The following CCDC178 variants were observed in gnomAD, a reference collection of about 807,000 sequenced individuals.
CCDC178 encodes the protein coiled-coil domain-containing protein 178.
In CCDC178, 126 loss-of-function variants were observed where a neutral mutation model predicts 117.4. That is an observed-to-expected ratio of 1.07 (90% CI 0.93 to 1.24). CCDC178 has a LOEUF of 1.24. Ranked by LOEUF, CCDC178 falls within the 50% of genes most tolerant of loss-of-function variation. CCDC178 has a pLI of 0.00. For synonymous variants in CCDC178, 283 were observed against 313.4 expected (o/e 0.90, Z 1.02); for missense variants, 1,030 against 986.9 (o/e 1.04, Z -0.59).
At chr18:33,114,014 C>T (rs561037442) in intron 20 of CCDC178, among the ~76,000 whole-genome samples, 1 of 151,824 alleles carries the variant, frequency 6.6e-6, no homozygotes, top group Non-Finnish European at 1.5e-5. Context: ...GTAGTTTACA[C>T]AGGAAAAAAG....
chr18:33,392,686 AAAG>A (rs2063579474), intron 4 of CCDC178, among the ~76,000 whole-genome samples: 1 of 152,104 alleles, frequency 6.6e-6, no homozygotes, highest in Admixed American at 6.6e-5. Flanking sequence ...TATTATTTAA[AAAG>A]AAGAATTAAA....
chr18:33,063,462 G>A (rs1432163425), intron 21 of CCDC178, among the ~76,000 whole-genome samples: 2 of 152,030 alleles, frequency 1.3e-5, no homozygotes, highest in Non-Finnish European at 2.9e-5. Flanking sequence ...ACCATACAGG[G>A]GCATAAGTAC....
At chr18:33,105,829 T>C (rs2057697811) in intron 20 of CCDC178, among the ~76,000 whole-genome samples, 1 of 151,572 alleles carries the variant, frequency 6.6e-6, no homozygotes, top group African/African-American at 2.4e-5. Context: ...GCTGCCTCCA[T>C]ACACTTTGCT....
intron 6 of CCDC178, among the ~76,000 whole-genome samples, chr18:33,357,186 C>T (rs1483585710): frequency 2.6e-5 from 4 of 152,014 alleles, no homozygotes; most frequent in Non-Finnish European, 4.4e-5. Flanking sequence ...GTAACTTCTG[C>T]CCCCCTAAAA....
chr18:33,245,452 ATAT>A lies in CCDC178; in HGVS notation c.1410-27_1410-25del, dbSNP rs778944634. Reference sequence around the variant, plus strand: ...TGCTGTAAAAGTAAAGCAAAAATTAATATTATTGAGTATATAGTGAGACAAACA... The same window carrying A: ...TGCTGTAAAAGTAAAGCAAAAATTAATATTGAGTATATAGTGAGACAAACA... On this transcript the variant is annotated intron_variant, in intron 14 of 22. Transcript: ENST00000383096. 14 of 1,473,354 alleles carry A rather than the reference ATAT, an allele frequency of 9.5e-6. No homozygotes were observed. The South Asian group carries it at 2.0e-4, about 21-fold the overall frequency. 91.3% of individuals were successfully genotyped at this position (1,473,354 alleles called of 1,614,324 possible).
At chr18:33,338,272 C>T (rs2062769209) in intron 9 of CCDC178, among the ~76,000 whole-genome samples, 1 of 152,044 alleles carries the variant, frequency 6.6e-6, no homozygotes, top group African/African-American at 2.4e-5. Flanking sequence ...GGCATGGATG[C>T]AGTGAAAAGG....
chr18:33,003,384 T>C (rs1325104911), intron 21 of CCDC178, among the ~76,000 whole-genome samples: 1 of 152,184 alleles, frequency 6.6e-6, no homozygotes, highest in African/African-American at 2.4e-5. Flanking sequence ...GTTCAACATA[T>C]GCAAATCAAT....
At chr18:33,382,294 G>C (rs1032907853) in intron 5 of CCDC178, among the ~76,000 whole-genome samples, 3 of 152,048 alleles carry the variant, frequency 2.0e-5, no homozygotes, top group African/African-American at 7.2e-5. Context: ...TTTCCACATT[G>C]AGTGTTAGAA....
intron 22 of CCDC178, among the ~76,000 whole-genome samples, chr18:32,953,845 A>G (rs1267043320): frequency 1.3e-5 from 2 of 152,198 alleles, no homozygotes; most frequent in African/African-American, 4.8e-5. Flanking sequence ...AAATAATAAC[A>G]TGAATAAGGG....
chr18:33,110,995 T>C (rs945762081), intron 20 of CCDC178, among the ~76,000 whole-genome samples: 1 of 151,596 alleles, frequency 6.6e-6, no homozygotes, highest in Non-Finnish European at 1.5e-5. Context: ...AATGCACATC[T>C]TCAAAATACT....
chr18:33,042,776 A>T (rs1361498599), intron 21 of CCDC178, among the ~76,000 whole-genome samples: 1 of 151,962 alleles, frequency 6.6e-6, no homozygotes, highest in African/African-American at 2.4e-5. Context: ...GAAAAATATT[A>T]CTAATTTTTG....
chr18:33,120,137 A>C (rs1010866416), intron 20 of CCDC178, among the ~76,000 whole-genome samples: 4 of 152,114 alleles, frequency 2.6e-5, no homozygotes, highest in African/African-American at 9.7e-5. Context: ...ATACATATGT[A>C]ACAAACCTGC....
At chr18:33,085,043 A>C (rs394305) in intron 21 of CCDC178, among the ~76,000 whole-genome samples, 21,636 of 151,984 alleles carry the variant, frequency 0.14, 2,391 homozygotes, top group African/African-American at 0.31. Context: ...TACTACTTAC[A>C]CTTCTGTCCT....
intron 7 of CCDC178, among the ~76,000 whole-genome samples, chr18:33,351,909 C>A (rs534824662): frequency 6.6e-6 from 1 of 152,162 alleles, no homozygotes; most frequent in Non-Finnish European, 1.5e-5. Flanking sequence ...TGTCTGGTTT[C>A]ACTATCATGT....
At chr18:33,440,404 G>A (rs1027693883) in intron 1 of CCDC178, 35 of 151,660 alleles carry the variant, frequency 2.3e-4, no homozygotes, top group African/African-American at 8.0e-4. Flanking sequence ...AACGACTGGG[G>A]GACTGGGGAA....
At chr18:33,249,184 T>A (rs1226323423) in intron 14 of CCDC178, among the ~76,000 whole-genome samples, 1 of 152,070 alleles carries the variant, frequency 6.6e-6, no homozygotes, top group Admixed American at 6.6e-5. Context: ...GTCAGATGAG[T>A]AGATTGCAAA....
chr18:32,964,231 T>C (rs1326500747), intron 22 of CCDC178, among the ~76,000 whole-genome samples: 1 of 152,034 alleles, frequency 6.6e-6, no homozygotes, highest in African/African-American at 2.4e-5. Flanking sequence ...AGGAAGATAT[T>C]TGGTTAAATG....
chr18:33,159,368 CA>C (rs1333141223), intron 20 of CCDC178, among the ~76,000 whole-genome samples: 1 of 152,058 alleles, frequency 6.6e-6, no homozygotes, highest in African/African-American at 2.4e-5. Flanking sequence ...ACAACTACCA[CA>C]AAGTAAGTGG....
At chr18:33,096,850 G>C (rs1191934128) in intron 20 of CCDC178, among the ~76,000 whole-genome samples, 2 of 152,010 alleles carry the variant, frequency 1.3e-5, no homozygotes, top group South Asian at 2.1e-4. Context: ...TAATATTAGG[G>C]AGTGCTTACT....
Sources: allele counts gnomAD v4.1 joint callset (sites outside exome capture counted in the v4.1 genomes callset), GRCh38; gene constraint gnomAD v4.1.1; transcripts MANE v1.5; gene names NCBI Gene and HGNC (gene_info 2026-07-23, HGNC 2026-07-21).